ATRNL1: variants seen among roughly 807,000 people sequenced by gnomAD.
ATRNL1 encodes the protein attractin-like protein 1.
A neutral mutation model predicts 182.7 loss-of-function variants in ATRNL1; 95 were observed. The ratio of observed to expected loss-of-function variants is 0.52; its 90% CI spans 0.44 to 0.62. The LOEUF is 0.62. ATRNL1 is among the 20% of genes least tolerant of loss of function. The probability of loss-of-function intolerance (pLI) is 0.00; values close to 1 mark genes in which losing one functional copy is unlikely to be tolerated. For synonymous variants in ATRNL1, 576 were observed against 568.3 expected (o/e 1.01, Z -0.19); for missense variants, 1,471 against 1,679.5 (o/e 0.88, Z 2.17).
chr10:115,608,503 C>T, intron 26 of ATRNL1, among the ~76,000 whole-genome samples: 1 of 151,928 alleles, frequency 6.6e-6, no homozygotes, highest in East Asian at 1.9e-4. Context: ...TTTATTATAA[C>T]CCTATATTAT....
intron 27 of ATRNL1, among the ~76,000 whole-genome samples, chr10:115,812,374 T>C (rs782076470): frequency 1.4e-4 from 21 of 152,176 alleles, no homozygotes; most frequent in Non-Finnish European, 2.6e-4. Flanking sequence ...CTCATACATA[T>C]TTCACACTTC....
At chr10:115,698,611 C>CTTTTG (rs1946635599) in intron 26 of ATRNL1, among the ~76,000 whole-genome samples, 1 of 152,004 alleles carries the variant, frequency 6.6e-6, no homozygotes, top group Admixed American at 6.6e-5. Flanking sequence ...AACCCCGTCT[C>CTTTTG]TACTAAAAAT....
At chr10:115,864,778 C>T (rs530398905) in intron 28 of ATRNL1, among the ~76,000 whole-genome samples, 1 of 152,028 alleles carries the variant, frequency 6.6e-6, no homozygotes, top group Non-Finnish European at 1.5e-5. Flanking sequence ...GTCGGGAGAT[C>T]GAGACCATCC....
intron 24 of ATRNL1, among the ~76,000 whole-genome samples, chr10:115,513,459 C>T (rs146644389): frequency 2.5e-4 from 38 of 152,034 alleles, no homozygotes; most frequent in African/African-American, 8.4e-4. Flanking sequence ...ATTATCTGCT[C>T]TCCCACTAAG....
chr10:115,905,770 G>A (rs1216505586), intron 28 of ATRNL1, among the ~76,000 whole-genome samples: 6 of 152,104 alleles, frequency 3.9e-5, no homozygotes, highest in Non-Finnish European at 8.8e-5. Context: ...CTCATCTGGA[G>A]GCCAAGAATC....
At chr10:115,750,427 G>A (rs1183680817) in intron 27 of ATRNL1, among the ~76,000 whole-genome samples, 1 of 151,770 alleles carries the variant, frequency 6.6e-6, no homozygotes, top group Admixed American at 6.6e-5. Flanking sequence ...TATGGGAAAA[G>A]AGAAAACTGA....
chr10:115,140,248 T>C (rs1461354036), intron 5 of ATRNL1, among the ~76,000 whole-genome samples: 1 of 152,192 alleles, frequency 6.6e-6, no homozygotes, highest in Non-Finnish European at 1.5e-5. Flanking sequence ...TTATATGTAG[T>C]GAAAGAGGTT....
chr10:115,494,745 T>C (rs1037714469), intron 24 of ATRNL1, among the ~76,000 whole-genome samples: 9 of 152,204 alleles, frequency 5.9e-5, no homozygotes, highest in African/African-American at 1.7e-4. Context: ...ACTTTGCTAG[T>C]ATTTTTTTGA....
At chr10:115,415,967 A>G (rs1415161986) in intron 20 of ATRNL1, among the ~76,000 whole-genome samples, 4 of 151,926 alleles carry the variant, frequency 2.6e-5, no homozygotes, top group Non-Finnish European at 5.9e-5. Flanking sequence ...AGTATATTTT[A>G]TATCTTTTAG....
At chr10:115,335,598 T>G (rs553155934) in intron 19 of ATRNL1, among the ~76,000 whole-genome samples, 4 of 152,338 alleles carry the variant, frequency 2.6e-5, no homozygotes, top group African/African-American at 9.6e-5. Context: ...AATACAGTTG[T>G]ACCTTGGTAT....
intron 26 of ATRNL1, among the ~76,000 whole-genome samples, chr10:115,623,431 G>C (rs1414224357): frequency 6.6e-6 from 1 of 152,056 alleles, no homozygotes; most frequent in Admixed American, 6.6e-5. Flanking sequence ...AAAATACTTG[G>C]AGTTGAATAA....
chr10:115,941,811 C>G (rs1040354739), intron 28 of ATRNL1, among the ~76,000 whole-genome samples: 2 of 152,164 alleles, frequency 1.3e-5, no homozygotes, highest in Non-Finnish European at 2.9e-5. Context: ...ATAACAAGGT[C>G]CTTCAGCTCC....
intron 19 of ATRNL1, among the ~76,000 whole-genome samples, chr10:115,348,740 G>A (rs1196750392): frequency 6.6e-6 from 1 of 152,142 alleles, no homozygotes; most frequent in African/African-American, 2.4e-5. Context: ...AAGAAATTGA[G>A]TGATAGAATT....
intron 27 of ATRNL1, among the ~76,000 whole-genome samples, chr10:115,838,541 CAAAT>C (rs373929665): frequency 3.8e-4 from 58 of 152,180 alleles, no homozygotes; most frequent in African/African-American, 1.3e-3. Context: ...TGTAAAGAAA[CAAAT>C]AAGTAACAAG....
intron 18 of ATRNL1, among the ~76,000 whole-genome samples, chr10:115,329,439 T>A (rs1395459207): frequency 6.6e-6 from 1 of 152,132 alleles, no homozygotes; most frequent in Non-Finnish European, 1.5e-5. Context: ...TCCCCATATA[T>A]TTTCTGCCTT....
At chr10:115,190,765 A>C (rs1554889684) in intron 8 of ATRNL1, among the ~76,000 whole-genome samples, 2 of 152,114 alleles carry the variant, frequency 1.3e-5, no homozygotes, top group Non-Finnish European at 2.9e-5. Flanking sequence ...TCAACCTAAT[A>C]AAAATATACA....
At chr10:115,581,065 C>T (rs74158389) in intron 26 of ATRNL1, among the ~76,000 whole-genome samples, 1,849 of 152,062 alleles carry the variant, frequency 0.012, 34 homozygotes, top group African/African-American at 0.042. Context: ...GTTTTTTATT[C>T]GGAGCATATT....
chr10:115,748,202 C>A (rs1565344096), intron 27 of ATRNL1, among the ~76,000 whole-genome samples: 1 of 151,912 alleles, frequency 6.6e-6, no homozygotes, highest in Non-Finnish European at 1.5e-5. Context: ...AACAAAGAAA[C>A]CTACTCCCAG....
In ATRNL1 at chr10:115,571,717, A is replaced by C. The variant is rs74158374; in HGVS notation, c.3795+22181A>C. 9.6e-3 allele frequency among the ~76,000 whole-genome samples: 1,454 copies of C among 152,248 alleles called. 23 individuals are homozygous for C. The highest frequency in any genetic ancestry group is 0.033 in the African/African-American group (1,373 of 41,548). On this transcript the variant is annotated intron_variant, in intron 26 of 28. Coordinates refer to ENST00000355044, the MANE Select transcript of ATRNL1 (RefSeq NM_207303.4). ...ATTTATTGTTAGAGTTAAAATTATA[A>C]ATTAATTTGCAGCTATTACCTTTAT...
Sources: gnomAD v4.1 joint callset for allele counts (sites outside exome capture counted in the v4.1 genomes callset) on GRCh38, gnomAD v4.1.1 for gene constraint, MANE v1.5 for transcripts, NCBI Gene and HGNC (gene_info 2026-07-23, HGNC 2026-07-21) for gene names.